Variants in ZNF704 observed in about 807,000 individuals in gnomAD.
ZNF704 encodes zinc finger protein 704, also known as glucocorticoid induced gene 1.
ZNF704 carries 10 observed loss-of-function variants against 44.7 expected under a neutral mutation model. That is an observed-to-expected ratio of 0.22 (90% confidence interval 0.14 to 0.38). The LOEUF (loss-of-function observed/expected upper bound fraction) is 0.38. Among genes scored for constraint, ZNF704 ranks in the 10% least tolerant of loss-of-function variants. The pLI, the probability that ZNF704 is intolerant of heterozygous loss-of-function variation, is 1.00. For missense variants in ZNF704, 390 were observed against 545.5 expected, an observed-to-expected ratio of 0.71 and a Z score of 2.84; for synonymous variants, 211 against 207.6, an observed-to-expected ratio of 1.02 and a Z score of -0.14.
At chr8:80,665,773 T>C (rs952395812) in intron 5 of ZNF704, among the ~76,000 whole-genome samples, 1 of 152,022 alleles carries the variant, frequency 6.6e-6, no homozygotes, top group Non-Finnish European at 1.5e-5. Context: ...TTCAACAGCA[T>C]AACAGTGTTG....
chr8:80,789,161 C>A (rs1014275101), intron 2 of ZNF704, among the ~76,000 whole-genome samples: 1 of 151,988 alleles, frequency 6.6e-6, no homozygotes, highest in Non-Finnish European at 1.5e-5. Context: ...TAGGAAGAAA[C>A]CAGAATGATT....
At chr8:80,778,954 G>A (rs1807463993) in intron 2 of ZNF704, among the ~76,000 whole-genome samples, 1 of 151,792 alleles carries the variant, frequency 6.6e-6, no homozygotes, top group Non-Finnish European at 1.5e-5. Flanking sequence ...ACAAACCCTG[G>A]TGACACAAGT....
chr8:80,703,346 G>T (rs1307025845), intron 2 of ZNF704, among the ~76,000 whole-genome samples: 1 of 152,170 alleles, frequency 6.6e-6, no homozygotes, highest in South Asian at 2.1e-4. Flanking sequence ...CCTGCCAAGG[G>T]CCAGGGGCAC....
chr8:80,664,219 C>T (rs545778862), intron 6 of ZNF704, among the ~76,000 whole-genome samples: 20 of 152,176 alleles, frequency 1.3e-4, no homozygotes, highest in Admixed American at 1.3e-3. Context: ...GCCTCAGCCT[C>T]CCAAGTAGCT....
chr8:80,858,217 T>A (rs959391112), intron 1 of ZNF704, among the ~76,000 whole-genome samples: 2 of 152,228 alleles, frequency 1.3e-5, no homozygotes, highest in African/African-American at 4.8e-5. Flanking sequence ...AAGAATCAGC[T>A]TTTGGTTTCA....
intron 2 of ZNF704, among the ~76,000 whole-genome samples, chr8:80,816,960 C>A (rs1315612281): frequency 6.6e-6 from 1 of 152,162 alleles, no homozygotes; most frequent in Non-Finnish European, 1.5e-5. Context: ...ATTGTTCCTA[C>A]CAACCCCAAG....
At chr8:80,837,553 C>T (rs1280122373) in intron 1 of ZNF704, among the ~76,000 whole-genome samples, 3 of 151,856 alleles carry the variant, frequency 2.0e-5, no homozygotes, top group Admixed American at 6.5e-5. Flanking sequence ...GGCAGACCAT[C>T]GAGCTGCCTG....
chr8:80,687,586 G>T, intron 3 of ZNF704, 128 bp from the exon 4 acceptor site: 1 of 648,598 alleles, frequency 1.5e-6, no homozygotes, highest in Non-Finnish European at 2.5e-6. Flanking sequence ...TGCAACAGCT[G>T]GGTATGTAAG....
chr8:80,733,941 T>C (rs899308843), intron 2 of ZNF704, among the ~76,000 whole-genome samples: 2 of 152,220 alleles, frequency 1.3e-5, no homozygotes, highest in Non-Finnish European at 2.9e-5. Context: ...TCTAGAATTA[T>C]AGTCACCTCA....
intron 4 of ZNF704, among the ~76,000 whole-genome samples, chr8:80,675,887 T>C (rs1169671810): frequency 6.6e-6 from 1 of 152,086 alleles, no homozygotes; most frequent in Non-Finnish European, 1.5e-5. Context: ...CACTGAAAGC[T>C]TGGGTGTGGA....
the ZNF704 span, among the ~76,000 whole-genome samples, chr8:80,880,648 C>T: frequency 6.6e-6 from 1 of 152,066 alleles, no homozygotes; most frequent in Non-Finnish European, 1.5e-5. Context: ...AAAAATGAAT[C>T]ATAAAAATAT....
intron 2 of ZNF704, among the ~76,000 whole-genome samples, chr8:80,774,419 A>G (rs931003002): frequency 3.3e-5 from 5 of 152,100 alleles, no homozygotes; most frequent in African/African-American, 1.2e-4. Context: ...CTGGCAAAGG[A>G]AAGAGTGGGG....
chr8:80,660,470 CAA>C (rs139254906), intron 6 of ZNF704, among the ~76,000 whole-genome samples: 6,269 of 76,892 alleles, frequency 0.082, 411 homozygotes, highest in African/African-American at 0.23. Flanking sequence ...AATCTTGTCT[CAA>C]AAAAAAAAAA....
chr8:80,671,902 A>G (rs1818287999), intron 4 of ZNF704, among the ~76,000 whole-genome samples: 2 of 152,230 alleles, frequency 1.3e-5, no homozygotes, highest in South Asian at 4.1e-4. Flanking sequence ...CTTAGGGTAT[A>G]GCAAAACCAC....
chr8:80,723,577 A>C (rs1806413962), intron 2 of ZNF704, among the ~76,000 whole-genome samples: 1 of 152,230 alleles, frequency 6.6e-6, no homozygotes, highest in Non-Finnish European at 1.5e-5. Flanking sequence ...TGTATTTTTA[A>C]AAATGGATGA....
intron 2 of ZNF704, among the ~76,000 whole-genome samples, chr8:80,818,089 T>C (rs1276030723): frequency 7.9e-5 from 12 of 152,310 alleles, no homozygotes; most frequent in Admixed American, 6.5e-4. Context: ...TCTCTCTAGT[T>C]ACATGAAATA....
chr8:80,704,764 C>T (rs1190366921), intron 2 of ZNF704, among the ~76,000 whole-genome samples: 2 of 152,136 alleles, frequency 1.3e-5, no homozygotes, highest in South Asian at 2.1e-4. Flanking sequence ...CAGAGAAATG[C>T]CACACCCCTT....
chr8:80,662,421 T>C (rs1203053504), intron 6 of ZNF704, among the ~76,000 whole-genome samples: 1 of 152,166 alleles, frequency 6.6e-6, no homozygotes, highest in Non-Finnish European at 1.5e-5. Flanking sequence ...TCTCATTATA[T>C]AGATGAGCAA....
chr8:80,666,396 G>A (rs578194699), intron 5 of ZNF704, among the ~76,000 whole-genome samples: 350 of 151,948 alleles, frequency 2.3e-3, no homozygotes, highest in African/African-American at 8.1e-3. Flanking sequence ...CCAAGTCTTT[G>A]CTATTGTGAA....
Sources: allele counts gnomAD v4.1 joint callset (sites outside exome capture counted in the v4.1 genomes callset), GRCh38; gene constraint gnomAD v4.1.1; transcripts MANE v1.5; gene names NCBI Gene and HGNC (gene_info 2026-07-23, HGNC 2026-07-21).